The following LAMA3 variants were observed in gnomAD, a reference collection of about 807,000 sequenced individuals.
The protein encoded by LAMA3 is laminin subunit alpha-3.
Under a neutral mutation model 402.0 loss-of-function variants are expected in LAMA3, and 281 were observed. The observed-to-expected ratio is 0.70, with a 90% CI of 0.63 to 0.77. The LOEUF is 0.77. Ranked by LOEUF, LAMA3 falls within the 30% of genes least tolerant of loss-of-function variation. LAMA3 has a pLI of 0.00. For synonymous variants in LAMA3, 1,431 were observed against 1,558.4 expected (o/e 0.92, Z 1.93); for missense variants, 3,840 against 4,215.5 (o/e 0.91, Z 2.47).
intron 14 of LAMA3, among the ~76,000 whole-genome samples, chr18:23,813,370 G>T (rs986142893): frequency 4.0e-5 from 6 of 151,826 alleles, no homozygotes; most frequent in African/African-American, 1.2e-4. Context: ...AGAGGGTGTT[G>T]CCTCTGTGGA....
intron 68 of LAMA3, among the ~76,000 whole-genome samples, chr18:23,943,419 G>A (rs1016104865): frequency 2.6e-5 from 4 of 152,136 alleles, no homozygotes; most frequent in African/African-American, 9.7e-5. Flanking sequence ...ACTTAAAAAA[G>A]GTTAAGATGG....
intron 24 of LAMA3, chr18:23,834,920 C>T (rs2063553643): frequency 6.6e-6 from 1 of 152,102 alleles, no homozygotes; most frequent in African/African-American, 2.4e-5. Flanking sequence ...CAACATCATG[C>T]CCTCAGTAAC....
intron 6 of LAMA3, among the ~76,000 whole-genome samples, chr18:23,758,019 C>T (rs759602788): frequency 3.9e-5 from 6 of 152,204 alleles, no homozygotes; most frequent in Non-Finnish European, 8.8e-5. Context: ...AGGTGTGATA[C>T]TTAACACATC....
At chr18:23,744,594 G>A (rs12969337) in intron 2 of LAMA3, among the ~76,000 whole-genome samples, 72,686 of 151,768 alleles carry the variant, frequency 0.48, 19,216 homozygotes, top group Non-Finnish European at 0.61. Flanking sequence ...CACTTTGGGA[G>A]GCTGAGGCAA....
intron 31 of LAMA3, among the ~76,000 whole-genome samples, chr18:23,846,873 T>C (rs2063827840): frequency 6.6e-6 from 1 of 152,212 alleles, no homozygotes; most frequent in South Asian, 2.1e-4. Flanking sequence ...TTCCATTTTT[T>C]TGGCCCAACC....
intron 2 of LAMA3, among the ~76,000 whole-genome samples, chr18:23,723,762 A>G (rs998646313): frequency 6.6e-6 from 1 of 152,154 alleles, no homozygotes; most frequent in Non-Finnish European, 1.5e-5. Flanking sequence ...TAAATCTAGT[A>G]CCAACCTAGG....
chr18:23,941,322 TGG>T (rs1568371003), intron 68 of LAMA3, among the ~76,000 whole-genome samples: 3 of 13,830 alleles, frequency 2.2e-4, no homozygotes, highest in Admixed American at 2.1e-3. Flanking sequence ...TCCATCAGCT[TGG>T]CGCCCCCCCC....
intron 2 of LAMA3, among the ~76,000 whole-genome samples, chr18:23,726,218 G>C (rs868503031): frequency 6.6e-6 from 1 of 152,228 alleles, no homozygotes; most frequent in Non-Finnish European, 1.5e-5. Context: ...CCATCCAGGT[G>C]GGCCCAGGCA....
intron 2 of LAMA3, among the ~76,000 whole-genome samples, chr18:23,743,299 C>G (rs1042240557): frequency 1.3e-5 from 2 of 152,268 alleles, no homozygotes; most frequent in East Asian, 3.9e-4. Flanking sequence ...AGATATCCCC[C>G]CCAGGGGAGT....
At chr18:23,785,131 A>G (rs534291032) in intron 12 of LAMA3, among the ~76,000 whole-genome samples, 14 of 152,328 alleles carry the variant, frequency 9.2e-5, no homozygotes, top group Admixed American at 7.8e-4. Flanking sequence ...AGCCAGAGTC[A>G]GAGCACAGCT....
intron 12 of LAMA3, among the ~76,000 whole-genome samples, chr18:23,788,802 A>T (rs2062596603): frequency 6.6e-6 from 1 of 151,890 alleles, no homozygotes; most frequent in Non-Finnish European, 1.5e-5. Flanking sequence ...CTTGCACTCG[A>T]AAGGGCACTA....
chr18:23,860,480 A>G (rs776764628), intron 34 of LAMA3, among the ~76,000 whole-genome samples: 22 of 151,430 alleles, frequency 1.5e-4, no homozygotes, highest in Non-Finnish European at 2.7e-4. Flanking sequence ...GCTGGTCTCA[A>G]ACTCCTGGGC....
intron 23 of LAMA3, 104 bp from the exon 24 acceptor site, chr18:23,833,724 C>A: frequency 1.6e-6 from 2 of 1,275,440 alleles, no homozygotes; most frequent in Non-Finnish European, 2.3e-6. Flanking sequence ...TATAAAAATA[C>A]TTCCAGGGTG....
chr18:23,778,499 T>A (rs1242568665), intron 11 of LAMA3, among the ~76,000 whole-genome samples: 5 of 152,190 alleles, frequency 3.3e-5, no homozygotes, highest in Admixed American at 3.3e-4. Context: ...AGGCATAAAC[T>A]AACTCATGTG....
At chr18:23,903,382 A>G (rs1300306294) in intron 49 of LAMA3, among the ~76,000 whole-genome samples, 1 of 152,236 alleles carries the variant, frequency 6.6e-6, no homozygotes, top group Admixed American at 6.5e-5. Flanking sequence ...AAAAATTATA[A>G]TGCTATTTTT....
intron 12 of LAMA3, among the ~76,000 whole-genome samples, chr18:23,794,182 A>G (rs2062718221): frequency 6.6e-6 from 1 of 152,182 alleles, no homozygotes; most frequent in Non-Finnish European, 1.5e-5. Flanking sequence ...TCCTTCCTCC[A>G]GGGTATAGAC....
At chr18:23,916,032 G>GAAAAAAAAAAAA (rs1161975680) in intron 59 of LAMA3, among the ~76,000 whole-genome samples, 1 of 116,318 alleles carries the variant, frequency 8.6e-6, no homozygotes, top group African/African-American at 3.7e-5. Flanking sequence ...AAAAAAAAAA[G>GAAAAAAAAAAAA]AAAAGAAAAG....
intron 41 of LAMA3, among the ~76,000 whole-genome samples, chr18:23,888,188 C>A (rs1328518973): frequency 1.3e-5 from 2 of 152,156 alleles, no homozygotes; most frequent in African/African-American, 4.8e-5. Flanking sequence ...TATATGACCA[C>A]CCTGCTTAGT....
intron 1 of LAMA3, among the ~76,000 whole-genome samples, chr18:23,695,666 C>T (rs540298753): frequency 1.6e-4 from 24 of 151,536 alleles, no homozygotes; most frequent in Admixed American, 9.2e-4. Flanking sequence ...GGCATGGTGG[C>T]GTGTGCCTGT....
Sources: allele counts gnomAD v4.1 joint callset (sites outside exome capture counted in the v4.1 genomes callset), GRCh38; gene constraint gnomAD v4.1.1; transcripts MANE v1.5; gene names NCBI Gene and HGNC (gene_info 2026-07-23, HGNC 2026-07-21).